The following ADH5 variants were observed in gnomAD, a reference collection of about 807,000 sequenced individuals.
The protein encoded by ADH5 is alcohol dehydrogenase class-3.
In ADH5, 32 loss-of-function variants were observed where a neutral mutation model predicts 40.3. The observed-to-expected ratio is 0.79, with a 90% CI of 0.60 to 1.07. ADH5 has a LOEUF of 1.07. Ranked by LOEUF, ADH5 falls within the 50% of genes least tolerant of loss-of-function variation. The pLI, the probability that ADH5 is intolerant of heterozygous loss-of-function variation, is 0.00. For synonymous variants in ADH5, 125 were observed against 154.3 expected (o/e 0.81, Z 1.41); for missense variants, 353 against 460.5 (o/e 0.77, Z 2.14).
At chr4:99,088,561 A>G (rs1728196938) in intron 1 of ADH5, 128 bp downstream of exon 1, 2 of 976,586 alleles carry the variant, frequency 2.0e-6, no homozygotes, top group East Asian at 5.8e-5. Flanking sequence ...CTGGGGGCCC[A>G]GTTTCAGAAC....
chr4:99,083,468 C>T (rs1470514506), intron 2 of ADH5, among the ~76,000 whole-genome samples: 3 of 151,546 alleles, frequency 2.0e-5, no homozygotes, highest in East Asian at 1.9e-4. Flanking sequence ...GGCGTGGTGG[C>T]GCATATCTGT....
intron 4 of ADH5, among the ~76,000 whole-genome samples, chr4:99,077,267 A>G (rs1190497359): frequency 6.6e-6 from 1 of 152,132 alleles, no homozygotes; most frequent in East Asian, 1.9e-4. Flanking sequence ...TCACTCCTAT[A>G]ATCCCAGTAC....
intron 1 of ADH5, among the ~76,000 whole-genome samples, chr4:99,087,988 T>A (rs1230112432): frequency 1.3e-5 from 2 of 152,178 alleles, no homozygotes; most frequent in African/African-American, 4.8e-5. Flanking sequence ...ACTGTCTAAT[T>A]TGTATTTTAT....
intron 3 of ADH5, 125 bp from the exon 4 acceptor site, chr4:99,081,577 T>G (rs1728025119): frequency 1.5e-6 from 1 of 678,350 alleles, no homozygotes; most frequent in Admixed American, 2.9e-5. Flanking sequence ...TCTTAGAACT[T>G]TACCTAGGTA....
rs1727935731 is a variant in ADH5 at position 99,076,537 on chromosome 4, CAG to C, written c.578_579del (p.Ser193CysfsTer19). 6.2e-7 allele frequency: 1 copy of C among 1,613,550 alleles called. No homozygotes were observed. Among genetic ancestry groups the C allele is most frequent in the Non-Finnish European group, 8.5e-7 (1 of 1,179,758 alleles). ...CCTCCCAGACCAAAGACGGCACAAA[CAG>C]AGCCAGGCTCCAACTAGGAGTAAAG... ...AVNTAKLEPG[S>X]VCAVFGLGGV... On this transcript the variant is annotated frameshift_variant, in exon 6 of 9. Transcript: ENST00000296412. LOFTEE classifies it high-confidence loss of function.
chr4:99,081,061 C>A (rs1165867029), intron 4 of ADH5, among the ~76,000 whole-genome samples: 1 of 152,184 alleles, frequency 6.6e-6, no homozygotes, highest in African/African-American at 2.4e-5. Flanking sequence ...GACAGATCAT[C>A]TCAAATCATA....
chr4:99,085,547 G>A (rs1728119003), intron 1 of ADH5: 1 of 322,402 alleles, frequency 3.1e-6, no homozygotes, highest in South Asian at 3.1e-5. Flanking sequence ...GGTCTGGCAT[G>A]GGGTCCAAGA....
At position 99,081,324 on chromosome 4, in the gene ADH5, GC is replaced by G. The variant is rs755447354; in HGVS notation, c.344+40del. On this transcript the variant is annotated intron_variant, in intron 4 of 8. Transcript: ENST00000296412. Reference sequence around the variant, plus strand: ...GTCTCTGTGATTCCTTAATTATCCCGCAGCACTTGTGTTTTAAGAAGAACAT... The same window carrying G: ...GTCTCTGTGATTCCTTAATTATCCCGAGCACTTGTGTTTTAAGAAGAACAT... 1.6e-5 allele frequency: 21 copies of G among 1,284,002 alleles called. No homozygotes were observed. In the Admixed American group the frequency reaches 4.1e-4, roughly 25 times the overall value. The allele number at this position is 1,284,002 out of a possible 1,614,324, so 79.5% of individuals were successfully genotyped here. A position where few individuals can be genotyped will look rare whatever the true frequency, so the allele number is the denominator to read the frequency against.
Position 99,076,394 on chromosome 4 carries a change from A to C in ADH5, c.723T>G (p.Ile241Met), listed in dbSNP as rs369585320. The change falls in exon 6 of 9, where the codon ATT (isoleucine) becomes ATG (methionine). Residue 241 changes from isoleucine (I) to methionine (M), a missense_variant. Physicochemically the swap from Ile to Met is conservative, Grantham distance 10. Transcript: ENST00000296412. ...TGGGTTTACTAAAATCCTGAGGGTT[A>C]ATACATTCAGTGGCTCCAAACTCTT... Reference protein sequence around the residue: ...RAKEFGATECINPQDFSKPIQ... With the variant: ...RAKEFGATECMNPQDFSKPIQ... The C allele has an allele frequency of 1.2e-6, 2 of 1,614,198 alleles. No homozygotes were observed. Among genetic ancestry groups the C allele is most frequent in the African/African-American group, 2.7e-5 (2 of 75,040 alleles).
intron 2 of ADH5, among the ~76,000 whole-genome samples, chr4:99,082,944 G>A (rs1428861337): frequency 1.3e-5 from 2 of 152,198 alleles, no homozygotes; most frequent in Non-Finnish European, 2.9e-5. Context: ...CCAAAGTGCT[G>A]GGATTATAGG....
At position 99,071,184 on chromosome 4, in the gene ADH5, T is replaced by G. The variant is rs1283970853; in HGVS notation, c.*1233A>C. 6.6e-6 allele frequency: 1 copy of G among 152,194 alleles called. No homozygotes were observed. The highest frequency in any genetic ancestry group is 1.5e-5 in the Non-Finnish European group (1 of 68,030). 9.4% of individuals were successfully genotyped at this position (152,194 alleles called of 1,614,324 possible). On this transcript the variant is annotated 3_prime_UTR_variant, in exon 9 of 9. Transcript: ENST00000296412. ...TGAACAGGTTCTTCACAATAAAATGTCCATTAGAATGAAGGATTTAACGAG... is the reference window on the plus strand; with the variant it reads ...TGAACAGGTTCTTCACAATAAAATGGCCATTAGAATGAAGGATTTAACGAG...
chr4:99,076,110 T>C (rs1393346098), intron 6 of ADH5, 182 bp downstream of exon 6: 4 of 615,100 alleles, frequency 6.5e-6, no homozygotes, highest in African/African-American at 5.5e-5. Flanking sequence ...TTTCTCATCC[T>C]TCCCTGAGCT....
rs773778500 is a variant in ADH5, at chr4:99,072,436, C to T, written c.1106G>A (p.Arg369Gln). The T allele has an allele frequency of 7.4e-6, 12 of 1,613,142 alleles. No individual in the cohort carries two copies. Among genetic ancestry groups the T allele is most frequent in the Admixed American group, 1.7e-5 (1 of 59,950 alleles). The change falls in exon 9 of 9, where the codon CGA (arginine) becomes CAA (glutamine). Residue 369 changes from arginine to glutamine, a missense_variant. Coordinates refer to ENST00000296412, the MANE Select transcript of ADH5 (RefSeq NM_000671.4). ...FELMHSGKSI[R>Q]TVVKI ...TTTGAATTAAATCTTTACAACAGTT[C>T]GAATGCTGTAAAAGGAAGCAACATA...
At chr4:99,076,244 C>T in intron 6 of ADH5, 48 bp downstream of exon 6, 1 of 1,577,878 alleles carries the variant, frequency 6.3e-7, no homozygotes, top group Non-Finnish European at 8.6e-7. Context: ...AACTGCACTT[C>T]AAAAAAAGCA....
In ADH5 at chr4:99,088,764, A is replaced by C; in HGVS notation, c.-64T>G. 1 of 959,172 alleles carries C rather than the reference A, an allele frequency of 1.0e-6. No homozygotes were observed. The highest frequency in any genetic ancestry group is 1.4e-6 in the Non-Finnish European group (1 of 714,518). 59.4% of individuals were successfully genotyped at this position (959,172 alleles called of 1,614,324 possible). ...GGGTGGGCCGCGCAGCGACGGAGGC[A>C]TGGGCGTGGCGAGCGCCTAGCGAGG... On this transcript the variant is annotated 5_prime_UTR_variant, in exon 1 of 9. It removes an upstream start codon present in the reference 5' UTR. Transcript: ENST00000296412.
intron 6 of ADH5, 146 bp from the exon 7 acceptor site, chr4:99,075,195 T>C: frequency 1.6e-6 from 1 of 610,582 alleles, no homozygotes; most frequent in Non-Finnish European, 2.6e-6. Context: ...TCAATGTTAT[T>C]GAACAATTTA....
chr4:99,082,763 G>A (rs189506020), intron 2 of ADH5, among the ~76,000 whole-genome samples: 188 of 152,122 alleles, frequency 1.2e-3, no homozygotes, highest in African/African-American at 4.4e-3. Context: ...TGCAAACTCC[G>A]CCTCCTGGGT....
chr4:99,075,735 T>C (rs1727912349), intron 6 of ADH5: 1 of 153,270 alleles, frequency 6.5e-6, no homozygotes, highest in Admixed American at 6.5e-5. Context: ...TCTGAGATGC[T>C]TGGGACCAGA....
intron 3 of ADH5, chr4:99,081,743 A>G (rs1015879902): frequency 1.7e-6 from 1 of 586,320 alleles, no homozygotes; most frequent in Non-Finnish European, 2.9e-6. Context: ...TAATATGCCA[A>G]AATTGGTTTT....
Sources: gnomAD v4.1 joint callset for allele counts (sites outside exome capture counted in the v4.1 genomes callset) on GRCh38, gnomAD v4.1.1 for gene constraint, MANE v1.5 for transcripts, NCBI Gene and HGNC (gene_info 2026-07-23, HGNC 2026-07-21) for gene names.